Variants in ZNF573 observed in about 807,000 individuals in gnomAD.
ZNF573 encodes the protein zinc finger protein 573.
A neutral mutation model predicts 57.4 loss-of-function variants in ZNF573; 41 were observed. The observed-to-expected ratio is 0.71, with a 90% CI of 0.56 to 0.93. ZNF573 has a LOEUF of 0.93. ZNF573 is among the 40% of genes least tolerant of loss of function. The probability of loss-of-function intolerance (pLI) is 0.00; values close to 1 mark genes in which losing one functional copy is unlikely to be tolerated. For missense variants in ZNF573, 730 were observed against 794.8 expected (o/e 0.92, Z 0.98); for synonymous variants, 249 against 261.0 (o/e 0.95, Z 0.44).
chr19:37,748,436 T>C (rs890698458), intron 4 of ZNF573, among the ~76,000 whole-genome samples: 14 of 152,152 alleles, frequency 9.2e-5, no homozygotes, highest in African/African-American at 2.7e-4. Flanking sequence ...GTTTGGTTGG[T>C]GGAGAAAAGA....
At chr19:37,765,845 C>T (rs1568422638) in intron 4 of ZNF573, among the ~76,000 whole-genome samples, 1 of 151,986 alleles carries the variant, frequency 6.6e-6, no homozygotes, top group East Asian at 1.9e-4. Context: ...TTGAGACCAG[C>T]CTGGCCGACA....
chr19:37,763,520 C>G (rs2045572031), intron 4 of ZNF573, among the ~76,000 whole-genome samples: 1 of 150,920 alleles, frequency 6.6e-6, no homozygotes, highest in Non-Finnish European at 1.5e-5. Flanking sequence ...AGCCAAGATC[C>G]ATCACTGTAC....
At position 37,739,209 on chromosome 19, in the gene ZNF573, G is replaced by C. The variant is rs1288558325; in HGVS notation, c.1281C>G (p.Gly427=). The C allele has an allele frequency of 1.2e-6, 2 of 1,612,616 alleles. No homozygotes were observed. Among genetic ancestry groups the C allele is most frequent in the Non-Finnish European group, 1.7e-6 (2 of 1,179,688 alleles). ...KECGKAFSLY[G]YLKQHQKIHT... ...GAATTTTCTGATGTTGTTTAAGGTA[G>C]CCATACAAGCTAAAGGCCTTTCCGC... The change falls in exon 5 of 5, where the codon GGC becomes GGG. Residue 427 remains glycine, a synonymous_variant. Transcript: ENST00000536220.
At chr19:37,764,939 CTT>C (rs921209004) in intron 4 of ZNF573, among the ~76,000 whole-genome samples, 9 of 131,070 alleles carry the variant, frequency 6.9e-5, no homozygotes, top group African/African-American at 2.6e-4. Flanking sequence ...GAGTTTCACT[CTT>C]GTCGCCTAGG....
chr19:37,771,272 T>C (rs1325062607), intron 3 of ZNF573, among the ~76,000 whole-genome samples: 6 of 151,762 alleles, frequency 4.0e-5, no homozygotes, highest in Non-Finnish European at 8.8e-5. Context: ...ATTCATGGAC[T>C]AATAATATAT....
At chr19:37,760,175 G>A (rs997600265) in intron 4 of ZNF573, among the ~76,000 whole-genome samples, 6 of 152,174 alleles carry the variant, frequency 3.9e-5, no homozygotes, top group Non-Finnish European at 5.9e-5. Flanking sequence ...GAGGGTCCAC[G>A]AGCAATTACC....
chr19:37,758,307 A>T (rs1485768906), intron 4 of ZNF573, among the ~76,000 whole-genome samples: 6 of 133,274 alleles, frequency 4.5e-5, no homozygotes, highest in Non-Finnish European at 9.8e-5. Context: ...ACGTTTTTTA[A>T]AAAAAAAAAG....
In ZNF573 at chr19:37,773,750, A is replaced by T; in HGVS notation, c.-21T>A. ...AACATTCAAACTCCAGAGAATCCAG[A>T]GCTGAGAGAAGAAAAGAGATGTTAG... is the stretch of plus-strand genomic sequence containing the variant. On this transcript the variant is annotated splice_region_variant and 5_prime_UTR_variant, in exon 2 of 5. Transcript: ENST00000536220. 6.6e-7 allele frequency: 1 copy of T among 1,520,768 alleles called. No individual in the cohort carries two copies. Among genetic ancestry groups the T allele is most frequent in the South Asian group, 1.2e-5 (1 of 83,512 alleles). 94.2% of individuals were successfully genotyped at this position (1,520,768 alleles called of 1,614,324 possible). A position where few individuals can be genotyped will look rare whatever the true frequency, so the allele number is the denominator to read the frequency against.
chr19:37,747,028 G>C (rs2045390396), intron 4 of ZNF573, among the ~76,000 whole-genome samples: 2 of 152,224 alleles, frequency 1.3e-5, no homozygotes, highest in Admixed American at 6.5e-5. Context: ...AGAAGGATCA[G>C]GGTATTAAAT....
At chr19:37,740,326 T>C (rs984706612) in intron 4 of ZNF573, 132 bp from the exon 5 acceptor site, 1 of 846,536 alleles carries the variant, frequency 1.2e-6, no homozygotes, top group African/African-American at 1.7e-5. Context: ...GGTTACGAAA[T>C]TTGAAAAAGG....
intron 4 of ZNF573, among the ~76,000 whole-genome samples, chr19:37,743,934 AC>A (rs2045352140): frequency 6.6e-6 from 1 of 152,176 alleles, no homozygotes; most frequent in Admixed American, 6.5e-5. Flanking sequence ...TGGGAGTTGA[AC>A]AATGAGAACT....
chr19:37,765,751 C>T (rs959259254), intron 4 of ZNF573, among the ~76,000 whole-genome samples: 1 of 151,628 alleles, frequency 6.6e-6, no homozygotes, highest in Non-Finnish European at 1.5e-5. Flanking sequence ...TATGAAGGAT[C>T]CTAGGGGCCA....
intron 3 of ZNF573, 124 bp from the exon 4 acceptor site, chr19:37,770,221 G>A: frequency 2.7e-6 from 2 of 733,814 alleles, no homozygotes; most frequent in South Asian, 2.0e-5. Context: ...GATGATTGAA[G>A]AAATGAAACA....
chr19:37,747,717 T>G (rs2045394715), intron 4 of ZNF573, among the ~76,000 whole-genome samples: 1 of 152,114 alleles, frequency 6.6e-6, no homozygotes, highest in Admixed American at 6.6e-5. Context: ...CTTTCTTTTT[T>G]TTTTTGAGAT....
intron 4 of ZNF573, chr19:37,758,729 A>G (rs1265720426): frequency 2.0e-5 from 3 of 152,214 alleles, no homozygotes; most frequent in Non-Finnish European, 2.9e-5. Flanking sequence ...TTTTTGCAAT[A>G]AATCTAATAA....
intron 2 of ZNF573, chr19:37,772,987 A>G: frequency 2.0e-6 from 2 of 983,582 alleles, no homozygotes; most frequent in Non-Finnish European, 2.4e-6. Context: ...CCAGTTCTGG[A>G]AATCAACATA....
intron 4 of ZNF573, among the ~76,000 whole-genome samples, chr19:37,759,969 G>A (rs551919447): frequency 1.2e-4 from 19 of 152,272 alleles, no homozygotes; most frequent in South Asian, 4.2e-4. Context: ...ATTTTTCTCA[G>A]CTTCAGCAAT....
At chr19:37,775,492 T>C (rs1392792789) in intron 1 of ZNF573, among the ~76,000 whole-genome samples, 2 of 152,158 alleles carry the variant, frequency 1.3e-5, no homozygotes, top group Admixed American at 6.5e-5. Context: ...ATCTCTCTAG[T>C]GGTCTTCACT....
chr19:37,756,053 A>T (rs1459359943), intron 4 of ZNF573, among the ~76,000 whole-genome samples: 2 of 152,216 alleles, frequency 1.3e-5, no homozygotes. Flanking sequence ...CAGGGAAAAC[A>T]GATGTCTGGC....
Sources: allele counts gnomAD v4.1 joint callset (sites outside exome capture counted in the v4.1 genomes callset), GRCh38; gene constraint gnomAD v4.1.1; transcripts MANE v1.5; gene names NCBI Gene and HGNC (gene_info 2026-07-23, HGNC 2026-07-21).